The following ASAP2 variants were observed in gnomAD, a reference collection of about 807,000 sequenced individuals.
ASAP2 encodes ArfGAP with SH3 domain, ankyrin repeat and PH domain 2.
ASAP2 carries 45 observed loss-of-function variants against 131.4 expected under a neutral mutation model. The observed-to-expected ratio is 0.34, with a 90% CI of 0.27 to 0.44. ASAP2 has a LOEUF of 0.44. Ranked by LOEUF, ASAP2 falls within the 20% of genes least tolerant of loss-of-function variation. The probability of loss-of-function intolerance (pLI) is 1.00; values close to 1 mark genes in which losing one functional copy is unlikely to be tolerated. For missense variants in ASAP2, 1,011 were observed against 1,297.0 expected (o/e 0.78, Z 3.39); for synonymous variants, 510 against 503.0 (o/e 1.01, Z -0.19).
At position 9,388,369 on chromosome 2, in the gene ASAP2, G is replaced by A. The variant is rs761961153; in HGVS notation, c.2206G>A (p.Val736Ile). The A allele has an allele frequency of 6.2e-7, 1 of 1,614,148 alleles. No individual in the cohort carries two copies. Reference protein sequence around the residue: ...LGSNQLQSNAVSLARDAANLA... With the variant: ...LGSNQLQSNAISLARDAANLA... ...CTCCAACCAGCTTCAGTCTAACGCT[G>A]TATCTTTGGCCAGAGATGCTGCAAA... The change falls in exon 22 of 28, where the codon GTA becomes ATA. Residue 736 changes from valine (V) to isoleucine (I), a missense_variant. Transcript: ENST00000281419.
chr2:9,342,133 G>T (rs1671626106), intron 9 of ASAP2, among the ~76,000 whole-genome samples: 1 of 152,208 alleles, frequency 6.6e-6, no homozygotes, highest in African/African-American at 2.4e-5. Flanking sequence ...AGAAATCCCA[G>T]CTGCCTTTGT....
intron 3 of ASAP2, among the ~76,000 whole-genome samples, chr2:9,301,607 G>A (rs1668476558): frequency 6.6e-6 from 1 of 152,166 alleles, no homozygotes; most frequent in African/African-American, 2.4e-5. Context: ...TGTCTCCAGT[G>A]TTAGAGGATT....
At chr2:9,383,298 T>C (rs1243723667) in intron 20 of ASAP2, among the ~76,000 whole-genome samples, 7 of 152,170 alleles carry the variant, frequency 4.6e-5, no homozygotes, top group Non-Finnish European at 4.4e-5. Flanking sequence ...TGTCTCTCTG[T>C]TGCCCAGGTT....
intron 1 of ASAP2, among the ~76,000 whole-genome samples, chr2:9,215,082 G>T (rs1011511178): frequency 2.0e-5 from 3 of 152,148 alleles, no homozygotes; most frequent in African/African-American, 7.2e-5. Context: ...TGGCATGCAG[G>T]CACCTAGGCT....
intron 1 of ASAP2, among the ~76,000 whole-genome samples, chr2:9,230,172 G>A (rs1359064879): frequency 6.6e-6 from 1 of 152,206 alleles, no homozygotes; most frequent in Non-Finnish European, 1.5e-5. Flanking sequence ...AAACACATAT[G>A]TAAACAGCTG....
intron 20 of ASAP2, among the ~76,000 whole-genome samples, chr2:9,384,521 C>T (rs911522454): frequency 6.6e-6 from 1 of 152,248 alleles, no homozygotes; most frequent in African/African-American, 2.4e-5. Flanking sequence ...AATCAACCTC[C>T]AGAACTTCTG....
chr2:9,387,813 G>T (rs1441801368), intron 21 of ASAP2, among the ~76,000 whole-genome samples: 1 of 152,128 alleles, frequency 6.6e-6, no homozygotes, highest in Non-Finnish European at 1.5e-5. Flanking sequence ...AAAGAAAGAG[G>T]TCTAATTCAC....
chr2:9,380,688 G>T (rs896892000), intron 19 of ASAP2, 53 bp from the exon 20 acceptor site: 2 of 1,538,982 alleles, frequency 1.3e-6, no homozygotes, highest in African/African-American at 2.7e-5. Flanking sequence ...CTGGATGTCA[G>T]GCCTTTGCTG....
rs928617463 is a variant in ASAP2 at position 9,401,265 on chromosome 2, C to T, written c.2824-9C>T. ...GCCACACTAACCGTTGTTCCCTCTC[C>T]TGACCCAGACCAAGTTGAAGCCTAA... is the stretch of plus-strand genomic sequence containing the variant. On this transcript the variant is annotated splice_polypyrimidine_tract_variant and intron_variant, in intron 26 of 27. Coordinates refer to ENST00000281419, the MANE Select transcript of ASAP2 (RefSeq NM_003887.3). 1 of 1,613,366 alleles carries T rather than the reference C, an allele frequency of 6.2e-7. No homozygotes were observed. Among genetic ancestry groups the T allele is most frequent in the Non-Finnish European group, 8.5e-7 (1 of 1,179,874 alleles).
intron 4 of ASAP2, 51 bp from the exon 5 acceptor site, chr2:9,320,237 G>A (rs752173910): frequency 1.4e-6 from 2 of 1,472,544 alleles, no homozygotes; most frequent in Admixed American, 3.4e-5. Flanking sequence ...AGTTTATCTT[G>A]CACAGAAGTG....
chr2:9,312,741 G>A (rs928231606), intron 3 of ASAP2, among the ~76,000 whole-genome samples: 1 of 152,144 alleles, frequency 6.6e-6, no homozygotes, highest in Non-Finnish European at 1.5e-5. Context: ...GGCTGTCTGA[G>A]GACTGAGGTC....
At chr2:9,254,798 C>T (rs748912000) in intron 1 of ASAP2, among the ~76,000 whole-genome samples, 13 of 151,920 alleles carry the variant, frequency 8.6e-5, no homozygotes, top group African/African-American at 1.9e-4. Flanking sequence ...TGAAGATAAG[C>T]GGTACTACTT....
At chr2:9,215,058 T>TA (rs1418951342) in intron 1 of ASAP2, among the ~76,000 whole-genome samples, 3 of 152,190 alleles carry the variant, frequency 2.0e-5, no homozygotes, top group African/African-American at 7.2e-5. Flanking sequence ...AGAGTGCACT[T>TA]ACACACACCC....
intron 12 of ASAP2, 129 bp downstream of exon 12, chr2:9,351,024 A>T: frequency 1.6e-6 from 1 of 644,390 alleles, no homozygotes; most frequent in African/African-American, 1.8e-5. Context: ...TTTTCTAGTG[A>T]TATGCGTGCT....
intron 1 of ASAP2, among the ~76,000 whole-genome samples, chr2:9,225,348 T>C (rs1242609636): frequency 6.6e-6 from 1 of 152,168 alleles, no homozygotes; most frequent in African/African-American, 2.4e-5. Context: ...TTAAAGACAC[T>C]TGTCTAGTGG....
intron 1 of ASAP2, among the ~76,000 whole-genome samples, chr2:9,245,343 G>A (rs1209182514): frequency 6.6e-6 from 1 of 152,156 alleles, no homozygotes; most frequent in Non-Finnish European, 1.5e-5. Context: ...CCTGGGGTGG[G>A]TGGGGGCTGC....
Position 9,361,974 on chromosome 2 carries a change from CGTGTGTGTGT to C in ASAP2, c.1461+3114_1461+3123del, listed in dbSNP as rs70948815. 6.8e-3 allele frequency among the ~76,000 whole-genome samples: 977 copies of C among 143,274 alleles called. 14 individuals are homozygous for C. The highest frequency in any genetic ancestry group is 0.022 in the African/African-American group (879 of 39,236). The allele number at this position is 143,274 out of a possible 152,430, so 94.0% of individuals were successfully genotyped here. On this transcript the variant is annotated intron_variant, in intron 15 of 27. Coordinates refer to ENST00000281419, the MANE Select transcript of ASAP2 (RefSeq NM_003887.3). Reference sequence around the variant, plus strand: ...CCTCTTTATCTTATCTCTTTCTCTGCGTGTGTGTGTGTGTGTGTGTGTGTGTGTGTGTGTG... The same window carrying C: ...CCTCTTTATCTTATCTCTTTCTCTGCGTGTGTGTGTGTGTGTGTGTGTGTG...
chr2:9,364,048 C>T (rs1409877213), intron 15 of ASAP2, among the ~76,000 whole-genome samples: 2 of 152,168 alleles, frequency 1.3e-5, no homozygotes, highest in Non-Finnish European at 2.9e-5. Context: ...AGATAAATTT[C>T]CTTCTTAATG....
intron 27 of ASAP2, 140 bp downstream of exon 27, chr2:9,401,536 A>G: frequency 2.6e-6 from 3 of 1,164,766 alleles, no homozygotes; most frequent in Non-Finnish European, 3.6e-6. Context: ...GCCCCTTAGC[A>G]TCCTCAGGAG....
Sources: gnomAD v4.1 joint callset for allele counts (sites outside exome capture counted in the v4.1 genomes callset) on GRCh38, gnomAD v4.1.1 for gene constraint, MANE v1.5 for transcripts, NCBI Gene and HGNC (gene_info 2026-07-23, HGNC 2026-07-21) for gene names.